Variants in NHSL2 observed in about 807,000 individuals in gnomAD.
NHSL2 encodes the protein NHS like 2.
In NHSL2, 27 loss-of-function variants were observed where a neutral mutation model predicts 53.4. The observed-to-expected ratio is 0.51, with a 90% confidence interval of 0.37 to 0.70. The LOEUF is 0.70. NHSL2 is among the 30% of genes least tolerant of loss of function. NHSL2 has a pLI of 0.00. For missense variants in NHSL2, 892 were observed against 980.1 expected, an observed-to-expected ratio of 0.91 and a Z score of 1.20; for synonymous variants, 408 against 404.1, an observed-to-expected ratio of 1.01 and a Z score of -0.12.
intron 1 of NHSL2, among the ~76,000 whole-genome samples, chrX:72,121,727 T>G (rs1011273498): frequency 3.6e-5 from 4 of 112,214 alleles, no homozygotes; most frequent in Non-Finnish European, 7.5e-5. Context: ...TTGAGCTCCA[T>G]GGACCTCCAA....
At chrX:72,088,869 C>T (rs746258000) in intron 1 of NHSL2, among the ~76,000 whole-genome samples, 6 of 112,615 alleles carry the variant, frequency 5.3e-5, no homozygotes, top group African/African-American at 1.3e-4. Flanking sequence ...CACATGAAGA[C>T]GGCCTTTGTC....
intron 1 of NHSL2, among the ~76,000 whole-genome samples, chrX:72,064,409 C>T (rs1357917805): frequency 8.9e-6 from 1 of 112,237 alleles, no homozygotes; most frequent in Admixed American, 9.4e-5. Context: ...GTTCAAGTCC[C>T]AACCCTGCCA....
intron 1 of NHSL2, chrX:72,129,041 G>A (rs2042256081): frequency 8.8e-6 from 1 of 113,056 alleles, no homozygotes; most frequent in African/African-American, 3.2e-5. Flanking sequence ...TCCACCGGGG[G>A]TGCCCAGGAG....
chrX:72,064,299 C>T (rs979550530), intron 1 of NHSL2, among the ~76,000 whole-genome samples: 2 of 111,656 alleles, frequency 1.8e-5, no homozygotes, highest in Non-Finnish European at 3.8e-5. Context: ...ATGGAACTTG[C>T]ACCTGGAAAT....
intron 1 of NHSL2, among the ~76,000 whole-genome samples, chrX:71,930,507 AC>A (rs2041707403): frequency 8.9e-6 from 1 of 112,367 alleles, no homozygotes; most frequent in Non-Finnish European, 1.9e-5. Context: ...CATTTTCATT[AC>A]CCTAAAAGGA....
intron 1 of NHSL2, among the ~76,000 whole-genome samples, chrX:71,916,845 A>G (rs1210629169): frequency 8.9e-6 from 1 of 112,643 alleles, no homozygotes; most frequent in Non-Finnish European, 1.9e-5. Flanking sequence ...TGTTATCTTC[A>G]TGCATATGAA....
In NHSL2 at chrX:72,105,516, G is replaced by A. The variant is rs760810210; in HGVS notation, c.281-26563G>A. ...TTGGGGCTAAGATAAGTGGGATGAG[G>A]TAGGCGGAAGTTGGAGGGAACCGTG... is the stretch of plus-strand genomic sequence containing the variant. On this transcript the variant is annotated intron_variant, in intron 1 of 7. Transcript: ENST00000633930. Among the ~76,000 whole-genome samples the A allele has an allele frequency of 9.3e-4, 104 of 111,790 alleles. 1 individual carries two copies. The highest frequency in any genetic ancestry group is 1.5e-3 in the Non-Finnish European group (82 of 53,146).
rs781472011 is a variant in NHSL2 at position 72,149,301 on chromosome X, G to T, written c.*5727G>T. ...CAGCTCTTAAATACCTGTCTTTACC[G>T]TGGTGGCTGTTCTCCAGTAAGGCTC... On this transcript the variant is annotated 3_prime_UTR_variant, in exon 8 of 8. Coordinates refer to ENST00000633930, the MANE Select transcript of NHSL2 (RefSeq NM_001013627.3). The T allele has an allele frequency of 9.0e-6, 1 of 111,081 alleles. No individual in the cohort carries two copies. The highest frequency in any genetic ancestry group is 3.8e-4 in the South Asian group (1 of 2,658). 9.2% of individuals were successfully genotyped at this position (111,081 alleles called of 1,213,427 possible).
chrX:72,138,863 G>T lies in NHSL2; in HGVS notation c.1315G>T (p.Ala439Ser). ...KVPPLVPKEA[A>S]TLLVARDNPA... Reference sequence around the variant, plus strand: ...CCCACCTCTGGTTCCTAAGGAGGCTGCTACCCTCCTTGTCGCTCGTGATAA... The same window carrying T: ...CCCACCTCTGGTTCCTAAGGAGGCTTCTACCCTCCTTGTCGCTCGTGATAA... The change falls in exon 6 of 8, where the codon GCT (alanine) becomes TCT (serine). Residue 439 changes from alanine to serine, a missense_variant. Ala to Ser is a moderately conservative substitution (Grantham distance 99). Transcript: ENST00000633930. The T allele has an allele frequency of 1.7e-6, 2 of 1,207,563 alleles. No homozygotes were observed. Among genetic ancestry groups the T allele is most frequent in the Non-Finnish European group, 2.2e-6 (2 of 891,523 alleles).
chrX:71,916,656 C>T (rs754996918), intron 1 of NHSL2, among the ~76,000 whole-genome samples: 4 of 111,634 alleles, frequency 3.6e-5, no homozygotes, highest in Non-Finnish European at 7.5e-5. Flanking sequence ...AGAACCAGGA[C>T]CCTAGTTCAC....
chrX:71,995,188 A>G (rs963063261), intron 1 of NHSL2, among the ~76,000 whole-genome samples: 1 of 112,022 alleles, frequency 8.9e-6, no homozygotes, highest in South Asian at 3.7e-4. Flanking sequence ...ACCACTTGTT[A>G]CCACCTTCAA....
intron 1 of NHSL2, among the ~76,000 whole-genome samples, chrX:71,986,789 T>C (rs2042004769): frequency 1.8e-5 from 2 of 111,780 alleles, no homozygotes; most frequent in South Asian, 7.4e-4. Context: ...ATCAGTATGC[T>C]TTTAGTCCAA....
chrX:72,142,254 C>A lies in NHSL2; in HGVS notation c.3246C>A (p.Thr1082=). The change falls in exon 7 of 8, where the codon ACC becomes ACA. Residue 1082 remains threonine, a synonymous_variant. Coordinates refer to ENST00000633930, the MANE Select transcript of NHSL2 (RefSeq NM_001013627.3). ...SPLGSSVEPG[T]EEKSLISDKT... Reference sequence around the variant, plus strand: ...TAGGGAGTTCTGTGGAACCAGGCACCGAAGAAAAAAGTTTAATCAGTGATA... The same window carrying A: ...TAGGGAGTTCTGTGGAACCAGGCACAGAAGAAAAAAGTTTAATCAGTGATA... 1 of 1,161,401 alleles carries A rather than the reference C, an allele frequency of 8.6e-7. No homozygotes were observed. Among genetic ancestry groups the A allele is most frequent in the Non-Finnish European group, 1.2e-6 (1 of 868,840 alleles).
At chrX:71,929,943 C>T (rs775264958) in intron 1 of NHSL2, among the ~76,000 whole-genome samples, 2 of 110,368 alleles carry the variant, frequency 1.8e-5, no homozygotes, top group East Asian at 2.9e-4. Context: ...TTTGTAGAGG[C>T]GGGGTTTTGT....
Position 72,144,553 on chromosome X carries a change from C to G in NHSL2, c.*979C>G, listed in dbSNP as rs765836521. ...GATAATGGAAAGTAAGTGCATCTTG[C>G]CCCCCACCAGTCAATTCAGATCGTG... On this transcript the variant is annotated 3_prime_UTR_variant, in exon 8 of 8. Transcript: ENST00000633930. 9.8e-6 allele frequency: 10 copies of G among 1,023,236 alleles called. No homozygotes were observed. In the Admixed American group the frequency reaches 2.5e-4, roughly 25 times the overall value. 84.3% of individuals were successfully genotyped at this position (1,023,236 alleles called of 1,213,427 possible). A position where few individuals can be genotyped will look rare whatever the true frequency, so the allele number is the denominator to read the frequency against.
intron 1 of NHSL2, among the ~76,000 whole-genome samples, chrX:71,975,831 C>A (rs1164049040): frequency 9.0e-6 from 1 of 111,665 alleles, no homozygotes; most frequent in African/African-American, 3.3e-5. Context: ...AGAATAACAG[C>A]CCAGTGCTGC....
At chrX:71,946,357 G>A (rs755327157) in intron 1 of NHSL2, among the ~76,000 whole-genome samples, 2 of 112,340 alleles carry the variant, frequency 1.8e-5, no homozygotes, top group Non-Finnish European at 3.8e-5. Flanking sequence ...TTTGCAAGCT[G>A]GTTATCAGAC....
At chrX:71,953,660 C>T (rs1250748064) in intron 1 of NHSL2, among the ~76,000 whole-genome samples, 2 of 111,221 alleles carry the variant, frequency 1.8e-5, no homozygotes, top group Non-Finnish European at 3.8e-5. Flanking sequence ...GGGATCTTTC[C>T]CTTTCTGGAT....
chrX:71,974,217 C>T (rs937993489), intron 1 of NHSL2, among the ~76,000 whole-genome samples: 1 of 111,737 alleles, frequency 8.9e-6, no homozygotes, highest in Non-Finnish European at 1.9e-5. Flanking sequence ...AAAATTGTGA[C>T]AGTGGAAAAA....
Sources: allele counts gnomAD v4.1 joint callset (sites outside exome capture counted in the v4.1 genomes callset), GRCh38; gene constraint gnomAD v4.1.1; transcripts MANE v1.5; gene names NCBI Gene and HGNC (gene_info 2026-07-23, HGNC 2026-07-21).